The following CORO2B variants were observed in gnomAD, a reference collection of about 807,000 sequenced individuals.
The protein encoded by CORO2B is coronin-2B.
In CORO2B, 26 loss-of-function variants were observed where a neutral mutation model predicts 58.8. That is an observed-to-expected ratio of 0.44 (90% CI 0.32 to 0.61). CORO2B has a LOEUF of 0.61. CORO2B is among the 20% of genes least tolerant of loss of function. The pLI is 0.04. For synonymous variants in CORO2B, 242 were observed against 253.8 expected (o/e 0.95, Z 0.44); for missense variants, 460 against 645.1 (o/e 0.71, Z 3.11).
the CORO2B span, among the ~76,000 whole-genome samples, chr15:68,572,054 T>G: frequency 1.3e-5 from 2 of 152,180 alleles, no homozygotes; most frequent in African/African-American, 2.4e-5. Flanking sequence ...CCAGGACTGG[T>G]CTGGCCCAGG....
the CORO2B span, among the ~76,000 whole-genome samples, chr15:68,570,535 A>G: frequency 6.6e-6 from 1 of 152,228 alleles, no homozygotes; most frequent in African/African-American, 2.4e-5. Flanking sequence ...ATCAGAGGCT[A>G]AGATTTTCAG....
At chr15:68,667,421 G>A (rs1902230726) in intron 2 of CORO2B, among the ~76,000 whole-genome samples, 1 of 152,178 alleles carries the variant, frequency 6.6e-6, no homozygotes, top group South Asian at 2.1e-4. Context: ...CTGCTTCTAG[G>A]CGATGGGCTC....
chr15:68,528,758 T>C, the CORO2B span, among the ~76,000 whole-genome samples: 1 of 151,566 alleles, frequency 6.6e-6, no homozygotes, highest in Non-Finnish European at 1.5e-5. Flanking sequence ...TGAGTTCATC[T>C]GGGTCTGGAC....
the CORO2B span, among the ~76,000 whole-genome samples, chr15:68,557,624 A>C: frequency 6.6e-6 from 1 of 152,254 alleles, no homozygotes; most frequent in East Asian, 1.9e-4. Context: ...CCAGAGCAGC[A>C]GTGAGGCCTC....
At chr15:68,671,960 G>T (rs1902409766) in intron 2 of CORO2B, among the ~76,000 whole-genome samples, 1 of 152,154 alleles carries the variant, frequency 6.6e-6, no homozygotes, top group Admixed American at 6.5e-5. Context: ...GTTCTAAGGG[G>T]CAGTCAGGGG....
chr15:68,532,475 T>C, the CORO2B span, among the ~76,000 whole-genome samples: 1 of 152,180 alleles, frequency 6.6e-6, no homozygotes, highest in Non-Finnish European at 1.5e-5. Context: ...TTGTCTCTAG[T>C]AATTTTAGGT....
chr15:68,692,120 C>A (rs909588326), intron 2 of CORO2B, among the ~76,000 whole-genome samples: 1 of 152,224 alleles, frequency 6.6e-6, no homozygotes, highest in African/African-American at 2.4e-5. Flanking sequence ...TTGAGAATCA[C>A]ACCTGTGTGG....
chr15:68,607,842 C>G lies in CORO2B; in HGVS notation c.15+28565C>G, dbSNP rs1056557703. On this transcript the variant is annotated intron_variant, in intron 1 of 11. Transcript: ENST00000261861. ...CAAAAAAAAAAAAAAAAAAGATGCC[C>G]TCTTAGCTCTCATTTTTCACTCCTT... 1.1e-4 allele frequency among the ~76,000 whole-genome samples: 17 copies of G among 151,956 alleles called. 1 individual carries two copies. Among genetic ancestry groups the G allele is most frequent in the Admixed American group, 2.0e-4 (3 of 15,254 alleles).
At chr15:68,545,632 G>C in the CORO2B span, among the ~76,000 whole-genome samples, 1 of 150,362 alleles carries the variant, frequency 6.7e-6, no homozygotes, top group African/African-American at 2.5e-5. Context: ...AATACTGGGC[G>C]AGGGGGACTG....
intron 2 of CORO2B, among the ~76,000 whole-genome samples, chr15:68,672,619 A>T (rs1398824751): frequency 6.6e-6 from 1 of 152,228 alleles, no homozygotes; most frequent in Non-Finnish European, 1.5e-5. Flanking sequence ...GAGGACAGTG[A>T]ATTCATCTGA....
At chr15:68,660,915 G>T (rs566812915) in intron 2 of CORO2B, among the ~76,000 whole-genome samples, 3 of 151,036 alleles carry the variant, frequency 2.0e-5, no homozygotes, top group East Asian at 3.9e-4. Flanking sequence ...CTCTATAGAG[G>T]TTCTCTTTCT....
At chr15:68,694,446 C>CA (rs1892461033) in intron 2 of CORO2B, among the ~76,000 whole-genome samples, 1 of 152,216 alleles carries the variant, frequency 6.6e-6, no homozygotes, top group South Asian at 2.1e-4. Context: ...TGCTAAAAAT[C>CA]AGCAGAGCTG....
chr15:68,689,130 G>T lies in CORO2B; in HGVS notation c.217-6010G>T, dbSNP rs1031670910. Among the ~76,000 whole-genome samples, 6 of 152,072 alleles carry T rather than the reference G, an allele frequency of 3.9e-5. No individual in the cohort carries two copies. The East Asian group carries it at 5.8e-4, about 15-fold the overall frequency. On this transcript the variant is annotated intron_variant, in intron 2 of 11. Coordinates refer to ENST00000261861, the MANE Select transcript of CORO2B (RefSeq NM_006091.5). The stretch of plus-strand genomic sequence containing the variant: ...AAGTTCTGTCCCAGCACCAAGAAGG[G>T]CTGGACTTGTTCTGTGAGCCCTCCA...
intron 2 of CORO2B, among the ~76,000 whole-genome samples, chr15:68,685,747 A>G (rs1344455320): frequency 1.9e-5 from 2 of 102,686 alleles, no homozygotes; most frequent in East Asian, 6.6e-4. Context: ...TTGGGATTAA[A>G]TTGATATTTA....
At chr15:68,636,458 A>G (rs904099935) in intron 1 of CORO2B, among the ~76,000 whole-genome samples, 4 of 152,022 alleles carry the variant, frequency 2.6e-5, no homozygotes, top group Admixed American at 6.6e-5. Flanking sequence ...CCCTCTAGAG[A>G]CTGTTGAGAA....
At chr15:68,633,420 TA>T (rs897671709) in intron 1 of CORO2B, among the ~76,000 whole-genome samples, 4 of 151,168 alleles carry the variant, frequency 2.6e-5, no homozygotes, top group Non-Finnish European at 4.4e-5. Flanking sequence ...AAGTTTAATT[TA>T]AAAAAAAAGT....
intron 9 of CORO2B, 43 bp downstream of exon 9, chr15:68,718,853 G>T: frequency 6.8e-7 from 1 of 1,475,962 alleles, no homozygotes; most frequent in Non-Finnish European, 9.4e-7. Context: ...GGCCTGCATC[G>T]CCTCTTAGCC....
At chr15:68,628,014 C>T (rs1427311125) in intron 1 of CORO2B, among the ~76,000 whole-genome samples, 1 of 152,150 alleles carries the variant, frequency 6.6e-6, no homozygotes. Context: ...AAAGAGACCT[C>T]CTCCAACCCC....
At chr15:68,646,608 G>A (rs752916730) in intron 2 of CORO2B, among the ~76,000 whole-genome samples, 1 of 152,206 alleles carries the variant, frequency 6.6e-6, no homozygotes, top group Non-Finnish European at 1.5e-5. Flanking sequence ...GATGGCGGGA[G>A]GTCTGGGTTC....
Sources: gnomAD v4.1 joint callset for allele counts (sites outside exome capture counted in the v4.1 genomes callset) on GRCh38, gnomAD v4.1.1 for gene constraint, MANE v1.5 for transcripts, NCBI Gene and HGNC (gene_info 2026-07-23, HGNC 2026-07-21) for gene names.